The following KCNAB1 variants were observed in gnomAD, a reference collection of about 807,000 sequenced individuals.
The protein encoded by KCNAB1 is voltage-gated potassium channel subunit beta-1.
In KCNAB1, 35 loss-of-function variants were observed where a neutral mutation model predicts 64.6. The ratio of observed to expected loss-of-function variants is 0.54; its 90% CI spans 0.41 to 0.72. The LOEUF is 0.72. KCNAB1 is among the 30% of genes least tolerant of loss of function. The pLI is 0.00. For synonymous variants in KCNAB1, 177 were observed against 183.8 expected, an observed-to-expected ratio of 0.96 and a Z score of 0.30; for missense variants, 401 against 512.9, an observed-to-expected ratio of 0.78 and a Z score of 2.11.
At chr3:156,380,032 C>T (rs905787605) in intron 1 of KCNAB1, among the ~76,000 whole-genome samples, 23 of 152,152 alleles carry the variant, frequency 1.5e-4, no homozygotes, top group African/African-American at 5.6e-4. Context: ...TGCAAGTTCC[C>T]TTTCCTACAC....
chr3:156,523,261 G>A (rs557569498), intron 11 of KCNAB1, among the ~76,000 whole-genome samples: 1 of 152,198 alleles, frequency 6.6e-6, no homozygotes, highest in South Asian at 2.1e-4. Context: ...TATCAGTTAT[G>A]CCATGTCTGC....
In KCNAB1 at chr3:156,523,854, G is replaced by T. The variant is rs866610957; in HGVS notation, c.988G>T (p.Val330Leu). The T allele has an allele frequency of 6.2e-7, 1 of 1,613,562 alleles. No individual in the cohort carries two copies. The highest frequency in any genetic ancestry group is 8.5e-7 in the Non-Finnish European group (1 of 1,179,610). The change falls in exon 12 of 14, where the codon GTA (valine) becomes TTA (leucine). Residue 330 changes from valine to leucine, a missense_variant. Transcript: ENST00000490337. ...KCYQWLKERI[V>L]SEEGRKQQNK... ...CTACCAGTGGTTGAAAGAAAGAATT[G>T]TAAGTGAAGAAGGGAGAAAACAGCA... is the stretch of plus-strand genomic sequence containing the variant.
rs79431748 is a variant in KCNAB1 at position 156,171,172 on chromosome 3, A to C, written c.275+50286A>C. On this transcript the variant is annotated intron_variant, in intron 1 of 13. Transcript: ENST00000490337. ...CTGTCAACTCTGAGCACCGGCTTAT[A>C]GTTAGAAACTTCACGCACACATACA... is the stretch of plus-strand genomic sequence containing the variant. 1.1e-3 allele frequency among the ~76,000 whole-genome samples: 155 copies of C among 141,776 alleles called. 4 individuals carry two copies. The East Asian group carries it at 0.032, about 29-fold the overall frequency. The allele number at this position is 141,776 out of a possible 152,430, so 93.0% of individuals were successfully genotyped here. A position where few individuals can be genotyped will look rare whatever the true frequency, so the allele number is the denominator to read the frequency against.
chr3:156,127,416 A>G (rs1245453968), intron 1 of KCNAB1, among the ~76,000 whole-genome samples: 1 of 152,210 alleles, frequency 6.6e-6, no homozygotes, highest in African/African-American at 2.4e-5. Flanking sequence ...TTATTTTCAG[A>G]GATATTGGAA....
chr3:156,448,832 A>G lies in KCNAB1; in HGVS notation c.320-4067A>G, dbSNP rs528511914. Among the ~76,000 whole-genome samples the G allele has an allele frequency of 2.6e-4, 39 of 152,338 alleles. 2 individuals carry two copies. The South Asian group carries it at 6.2e-3, about 24-fold the overall frequency. ...AATTATCCCAAAATTTTAAAGATTA[A>G]TAACAGTCAACAAGGCAATGTAATT... On this transcript the variant is annotated intron_variant, in intron 2 of 13. Coordinates refer to ENST00000490337, the MANE Select transcript of KCNAB1 (RefSeq NM_172160.3).
intron 1 of KCNAB1, among the ~76,000 whole-genome samples, chr3:156,231,204 A>G (rs1303610081): frequency 6.6e-6 from 1 of 152,128 alleles, no homozygotes; most frequent in Non-Finnish European, 1.5e-5. Flanking sequence ...TTCCTGTAAC[A>G]TTAATGAGGA....
intron 1 of KCNAB1, among the ~76,000 whole-genome samples, chr3:156,257,714 A>C (rs1320390240): frequency 1.3e-5 from 2 of 152,196 alleles, no homozygotes; most frequent in African/African-American, 4.8e-5. Context: ...ACTGCCTTCC[A>C]TCCATGGTGG....
At chr3:156,128,209 C>T (rs538549713) in intron 1 of KCNAB1, among the ~76,000 whole-genome samples, 1 of 152,296 alleles carries the variant, frequency 6.6e-6, no homozygotes, top group East Asian at 1.9e-4. Flanking sequence ...CAGTGCTCCT[C>T]TGTAAAATAA....
At chr3:156,332,722 C>T (rs1400283232) in intron 1 of KCNAB1, among the ~76,000 whole-genome samples, 8 of 152,080 alleles carry the variant, frequency 5.3e-5, no homozygotes, top group Admixed American at 5.2e-4. Context: ...AAAATATGAC[C>T]ATTGTGATAC....
chr3:156,288,574 G>A (rs1399956664), intron 1 of KCNAB1, among the ~76,000 whole-genome samples: 1 of 152,194 alleles, frequency 6.6e-6, no homozygotes, highest in Non-Finnish European at 1.5e-5. Flanking sequence ...GAGACCGACT[G>A]CTCCATTAAC....
chr3:156,147,174 G>A (rs1159130877), intron 1 of KCNAB1, among the ~76,000 whole-genome samples: 1 of 152,186 alleles, frequency 6.6e-6, no homozygotes, highest in Non-Finnish European at 1.5e-5. Flanking sequence ...CTTTCCAGCA[G>A]CATTAAATTG....
Position 156,333,321 on chromosome 3 carries a change from C to CAA in KCNAB1, c.276-88294_276-88293insAA, listed in dbSNP as rs1723466816. ...ACCAGTATACAAACGCACATAGAAA[C>CAA]ACACACACACACACACACACATACA... On this transcript the variant is annotated intron_variant, in intron 1 of 13. Coordinates refer to ENST00000490337, the MANE Select transcript of KCNAB1 (RefSeq NM_172160.3). Among the ~76,000 whole-genome samples the CAA allele has an allele frequency of 9.8e-5, 14 of 142,604 alleles. No homozygotes were observed. In the Admixed American group the frequency reaches 9.9e-4, roughly 10 times the overall value. The allele number at this position is 142,604 out of a possible 152,430, so 93.6% of individuals were successfully genotyped here. A position where few individuals can be genotyped will look rare whatever the true frequency, so the allele number is the denominator to read the frequency against.
chr3:156,439,633 C>T (rs529474658), intron 2 of KCNAB1, among the ~76,000 whole-genome samples: 1 of 152,330 alleles, frequency 6.6e-6, no homozygotes, highest in South Asian at 2.1e-4. Flanking sequence ...AAGTTCTACT[C>T]TCTTATCGTA....
At chr3:156,501,027 T>C (rs1716363266) in intron 8 of KCNAB1, among the ~76,000 whole-genome samples, 2 of 152,378 alleles carry the variant, frequency 1.3e-5, no homozygotes, top group South Asian at 4.1e-4. Flanking sequence ...AGTAGGCCTT[T>C]CCGTCTCTAC....
intron 1 of KCNAB1, among the ~76,000 whole-genome samples, chr3:156,224,952 C>T (rs1243050995): frequency 3.9e-5 from 6 of 152,098 alleles, no homozygotes; most frequent in Non-Finnish European, 8.8e-5. Context: ...AAAAAAAGTT[C>T]AGGACCAGAC....
intron 1 of KCNAB1, among the ~76,000 whole-genome samples, chr3:156,375,600 T>A (rs76885719): frequency 0.012 from 1,601 of 135,380 alleles, 230 homozygotes; most frequent in East Asian, 0.084. Context: ...TGTGTCTGTG[T>A]GGAGGCACAT....
chr3:156,461,355 C>T (rs1053745745), intron 5 of KCNAB1, among the ~76,000 whole-genome samples: 1 of 152,316 alleles, frequency 6.6e-6, no homozygotes, highest in Admixed American at 6.5e-5. Flanking sequence ...CAGTGGTTGC[C>T]AGCCATCCTG....
intron 8 of KCNAB1, among the ~76,000 whole-genome samples, chr3:156,510,194 A>C (rs1460222116): frequency 6.6e-6 from 1 of 152,204 alleles, no homozygotes. Context: ...CAACAAAAAG[A>C]CCTGAGGCAT....
At chr3:156,273,437 T>C in intron 1 of KCNAB1, 1 of 369,224 alleles carries the variant, frequency 2.7e-6, no homozygotes, top group Non-Finnish European at 5.5e-6. Flanking sequence ...CTGGTCTAAA[T>C]GCTCCTTCTG....
Sources: gnomAD v4.1 joint callset for allele counts (sites outside exome capture counted in the v4.1 genomes callset) on GRCh38, gnomAD v4.1.1 for gene constraint, MANE v1.5 for transcripts, NCBI Gene and HGNC (gene_info 2026-07-23, HGNC 2026-07-21) for gene names.